KIAA1549L: variants seen among roughly 807,000 people sequenced by gnomAD.
The protein encoded by KIAA1549L is UPF0606 protein KIAA1549L.
Under a neutral mutation model 160.7 loss-of-function variants are expected in KIAA1549L, and 88 were observed. The observed-to-expected ratio is 0.55, with a 90% CI of 0.46 to 0.65. KIAA1549L has a LOEUF of 0.65. Among genes scored for constraint, KIAA1549L ranks in the 30% least tolerant of loss-of-function variants. KIAA1549L has a pLI of 0.00. For synonymous variants in KIAA1549L, 950 were observed against 976.7 expected (o/e 0.97, Z 0.51); for missense variants, 2,258 against 2,437.5 (o/e 0.93, Z 1.55).
chr11:33,440,871 T>C (rs1565138217), intron 1 of KIAA1549L, among the ~76,000 whole-genome samples: 1 of 152,348 alleles, frequency 6.6e-6, no homozygotes, highest in South Asian at 2.1e-4. Flanking sequence ...CTTGTCCTGA[T>C]AGATACTTTT....
intron 13 of KIAA1549L, among the ~76,000 whole-genome samples, chr11:33,604,068 A>T (rs1590388864): frequency 6.6e-6 from 1 of 152,310 alleles, no homozygotes; most frequent in East Asian, 1.9e-4. Flanking sequence ...GAAGAGGGAA[A>T]GCTCAGAGGT....
At chr11:33,652,133 G>T (rs1027326873) in intron 17 of KIAA1549L, among the ~76,000 whole-genome samples, 1 of 151,498 alleles carries the variant, frequency 6.6e-6, no homozygotes, top group Admixed American at 6.6e-5. Context: ...CTCACAGCCA[G>T]CATCGTGGCA....
At chr11:33,384,667 G>A (rs1850137490) in intron 1 of KIAA1549L, among the ~76,000 whole-genome samples, 1 of 151,842 alleles carries the variant, frequency 6.6e-6, no homozygotes, top group African/African-American at 2.4e-5. Flanking sequence ...CTGTTTAGTG[G>A]TATCTCATTC....
chr11:33,544,079 A>G lies in KIAA1549L; in HGVS notation c.2516A>G (p.Gln839Arg). ...VSHPQLQLPN[Q>R]PAHPLLLTSP... is the part of the protein sequence containing the mutation. ...CATCCTCAGCTACAGTTGCCCAACC[A>G]GCCAGCACATCCTCTTTTGCTAACC... The change falls in exon 2 of 21, where the codon CAG becomes CGG. Residue 839 changes from glutamine (Q) to arginine (R), a missense_variant. Transcript: ENST00000658780. 6.2e-7 allele frequency: 1 copy of G among 1,614,034 alleles called. No individual in the cohort carries two copies. Among genetic ancestry groups the G allele is most frequent in the Non-Finnish European group, 8.5e-7 (1 of 1,179,880 alleles).
At chr11:33,459,961 A>C (rs1298477745) in intron 1 of KIAA1549L, among the ~76,000 whole-genome samples, 1 of 54,762 alleles carries the variant, frequency 1.8e-5, no homozygotes, top group Non-Finnish European at 3.9e-5. Flanking sequence ...ACTCCGTCTC[A>C]AAAAAAAAAA....
chr11:33,639,863 A>C (rs1228202711), intron 16 of KIAA1549L, among the ~76,000 whole-genome samples: 1 of 152,198 alleles, frequency 6.6e-6, no homozygotes, highest in Non-Finnish European at 1.5e-5. Context: ...TCTAAACACA[A>C]GGATACTTAC....
intron 1 of KIAA1549L, among the ~76,000 whole-genome samples, chr11:33,417,344 A>G (rs548273044): frequency 3.2e-4 from 48 of 152,156 alleles, no homozygotes; most frequent in Admixed American, 2.7e-3. Flanking sequence ...AGTATCATCC[A>G]AGTTTCACCA....
intron 12 of KIAA1549L, among the ~76,000 whole-genome samples, chr11:33,596,502 C>G (rs1414454234): frequency 6.6e-6 from 1 of 151,956 alleles, no homozygotes; most frequent in South Asian, 2.1e-4. Context: ...TTTGGGAGGC[C>G]GAGGCAAATG....
chr11:33,636,409 C>T (rs999305047), intron 16 of KIAA1549L, among the ~76,000 whole-genome samples: 5 of 144,740 alleles, frequency 3.5e-5, no homozygotes, highest in African/African-American at 1.0e-4. Flanking sequence ...ATTGCATTTG[C>T]GTAATCACGG....
At chr11:33,456,613 T>G (rs1436476253) in intron 1 of KIAA1549L, among the ~76,000 whole-genome samples, 1 of 152,176 alleles carries the variant, frequency 6.6e-6, no homozygotes, top group African/African-American at 2.4e-5. Flanking sequence ...GGTTTCACCA[T>G]GTTGCCCAGG....
chr11:33,545,157 C>T lies in KIAA1549L; in HGVS notation c.3164C>T (p.Pro1055Leu). The change falls in exon 3 of 21, where the codon CCC becomes CTC. Residue 1055 changes from proline to leucine, a missense_variant. By Grantham distance (98) the Pro-to-Leu change is moderately conservative (BLOSUM62 -3). This residue lies in a region of KIAA1549L where 1,359 missense variants were observed against 1,546.6 expected (regional missense o/e 0.88). Transcript: ENST00000658780. ...PQAMHTGLPN[P>L]TNLEMPRAST... Reference sequence around the variant, plus strand: ...GCCATGCACACCGGCCTCCCAAACCCCACCAACCTGGAGATGCCCAGAGCA... The same window carrying T: ...GCCATGCACACCGGCCTCCCAAACCTCACCAACCTGGAGATGCCCAGAGCA... 6.2e-7 allele frequency: 1 copy of T among 1,614,014 alleles called. No individual in the cohort carries two copies. Among genetic ancestry groups the T allele is most frequent in the Non-Finnish European group, 8.5e-7 (1 of 1,179,888 alleles).
At chr11:33,494,172 T>G (rs898926026) in intron 1 of KIAA1549L, among the ~76,000 whole-genome samples, 1 of 152,236 alleles carries the variant, frequency 6.6e-6, no homozygotes, top group African/African-American at 2.4e-5. Context: ...AGTTTATCAC[T>G]GTTGATTTTG....
At chr11:33,540,826 G>A (rs1205037736) in intron 1 of KIAA1549L, among the ~76,000 whole-genome samples, 2 of 152,176 alleles carry the variant, frequency 1.3e-5, no homozygotes, top group African/African-American at 4.8e-5. Flanking sequence ...GCTGAGCTGG[G>A]CATATGATTA....
intron 1 of KIAA1549L, among the ~76,000 whole-genome samples, chr11:33,510,420 C>A (rs1217000443): frequency 3.9e-5 from 6 of 152,160 alleles, no homozygotes; most frequent in African/African-American, 1.4e-4. Flanking sequence ...CTCCTGACCT[C>A]AAGTGATCCA....
chr11:33,516,212 C>T (rs1218419302), intron 1 of KIAA1549L, among the ~76,000 whole-genome samples: 1 of 13,268 alleles, frequency 7.5e-5, no homozygotes, highest in Non-Finnish European at 1.1e-4. Flanking sequence ...AGTGCAGTGG[C>T]GCAATCTCGG....
intron 1 of KIAA1549L, among the ~76,000 whole-genome samples, chr11:33,522,777 T>C (rs1439923970): frequency 6.6e-6 from 1 of 152,096 alleles, no homozygotes; most frequent in Admixed American, 6.6e-5. Flanking sequence ...CGTATGTCTG[T>C]AGTCCTAGCT....
intron 16 of KIAA1549L, among the ~76,000 whole-genome samples, chr11:33,625,499 C>T (rs1038475885): frequency 5.3e-5 from 8 of 152,202 alleles, no homozygotes; most frequent in Non-Finnish European, 1.0e-4. Flanking sequence ...TTGCATTTCT[C>T]TAATGGCCAG....
intron 16 of KIAA1549L, among the ~76,000 whole-genome samples, chr11:33,635,666 C>G (rs1010691581): frequency 6.6e-6 from 1 of 152,046 alleles, no homozygotes; most frequent in African/African-American, 2.4e-5. Context: ...TCGTTAAGCC[C>G]ATTCTAGATA....
At chr11:33,386,964 A>G (rs1327074755) in intron 1 of KIAA1549L, among the ~76,000 whole-genome samples, 1 of 151,628 alleles carries the variant, frequency 6.6e-6, no homozygotes, top group African/African-American at 2.4e-5. Flanking sequence ...AAAATTAGCC[A>G]GGTATGGTGG....
Sources: gnomAD v4.1 joint callset for allele counts (sites outside exome capture counted in the v4.1 genomes callset) on GRCh38, gnomAD v4.1.1 for gene constraint, gnomAD v4.1.1 regional missense constraint, MANE v1.5 for transcripts, NCBI Gene and HGNC (gene_info 2026-07-23, HGNC 2026-07-21) for gene names.